BCAR3: variants seen among roughly 807,000 people sequenced by gnomAD.
BCAR3 encodes breast cancer anti-estrogen resistance protein 3.
A neutral mutation model predicts 80.1 loss-of-function variants in BCAR3; 37 were observed. That is an observed-to-expected ratio of 0.46 (90% CI 0.36 to 0.61). The LOEUF (loss-of-function observed/expected upper bound fraction) is 0.61. Ranked by LOEUF, BCAR3 falls within the 20% of genes least tolerant of loss-of-function variation. BCAR3 has a pLI of 0.00. For missense variants in BCAR3, 978 were observed against 1,068.2 expected, an observed-to-expected ratio of 0.92 and a Z score of 1.18; for synonymous variants, 389 against 418.9, an observed-to-expected ratio of 0.93 and a Z score of 0.87.
At chr1:93,708,447 A>T (rs1279229541) in intron 2 of BCAR3, among the ~76,000 whole-genome samples, 1 of 152,172 alleles carries the variant, frequency 6.6e-6, no homozygotes, top group Non-Finnish European at 1.5e-5. Context: ...CATCTCACAT[A>T]GCTAATCCAA....
chr1:93,594,269 T>C (rs1270685369), intron 3 of BCAR3: 1 of 152,274 alleles, frequency 6.6e-6, no homozygotes, highest in African/African-American at 2.4e-5. Context: ...TGCTTAGTTA[T>C]GGAGATTCTC....
intron 3 of BCAR3, among the ~76,000 whole-genome samples, chr1:93,609,393 C>T (rs1674881931): frequency 6.6e-6 from 1 of 152,150 alleles, no homozygotes. Flanking sequence ...TCCACAGGCA[C>T]CACACCCCAA....
At chr1:93,587,529 G>C (rs969892454) in intron 5 of BCAR3, among the ~76,000 whole-genome samples, 1 of 152,248 alleles carries the variant, frequency 6.6e-6, no homozygotes, top group Middle Eastern at 3.4e-3. Flanking sequence ...ATGTGGAGCC[G>C]GCATTTGTGC....
chr1:93,780,174 AT>A (rs1333319883), intron 2 of BCAR3, among the ~76,000 whole-genome samples: 40 of 151,928 alleles, frequency 2.6e-4, no homozygotes, highest in Admixed American at 2.6e-3. Flanking sequence ...AAGGCTGCTC[AT>A]TTTCCCACAT....
intron 2 of BCAR3, among the ~76,000 whole-genome samples, chr1:93,770,370 C>T (rs1354641028): frequency 6.6e-6 from 1 of 152,038 alleles, no homozygotes; most frequent in African/African-American, 2.4e-5. Context: ...CTGATCCTGG[C>T]CTCAGAAAAA....
At chr1:93,686,970 T>G (rs2101960714) in intron 3 of BCAR3, among the ~76,000 whole-genome samples, 2 of 152,288 alleles carry the variant, frequency 1.3e-5, no homozygotes, top group Middle Eastern at 6.8e-3. Flanking sequence ...GTTCCCCAGT[T>G]AAATGTGCCT....
intron 3 of BCAR3, among the ~76,000 whole-genome samples, chr1:93,695,619 A>G (rs919255360): frequency 2.6e-5 from 4 of 152,024 alleles, no homozygotes; most frequent in Non-Finnish European, 5.9e-5. Context: ...GCTCAATTTT[A>G]TGCCCCTATC....
At chr1:93,833,633 C>G (rs1654656717) in intron 2 of BCAR3, among the ~76,000 whole-genome samples, 1 of 152,200 alleles carries the variant, frequency 6.6e-6, no homozygotes, top group South Asian at 2.1e-4. Context: ...TGATATTTCT[C>G]CTATTCACTT....
At chr1:93,825,302 T>G (rs1241020116) in intron 2 of BCAR3, among the ~76,000 whole-genome samples, 1 of 132,974 alleles carries the variant, frequency 7.5e-6, no homozygotes, top group African/African-American at 2.5e-5. Context: ...CCACCTGAAG[T>G]GCACTCACCA....
At chr1:93,657,463 C>A (rs1647442139) in intron 2 of BCAR3, among the ~76,000 whole-genome samples, 1 of 151,924 alleles carries the variant, frequency 6.6e-6, no homozygotes, top group South Asian at 2.1e-4. Context: ...CAAAAACAGA[C>A]AAAGTCAGTA....
chr1:93,740,763 T>C (rs1450783485), intron 2 of BCAR3, among the ~76,000 whole-genome samples: 3 of 152,062 alleles, frequency 2.0e-5, no homozygotes, highest in Non-Finnish European at 1.5e-5. Flanking sequence ...CGGCCTAATA[T>C]CTTTGCTATC....
At chr1:93,580,684 G>A (rs955077845) in intron 7 of BCAR3, among the ~76,000 whole-genome samples, 4 of 152,112 alleles carry the variant, frequency 2.6e-5, no homozygotes, top group African/African-American at 9.7e-5. Flanking sequence ...TAGGTTATAT[G>A]CAAATACTAT....
In BCAR3 at chr1:93,589,138, C is replaced by T. The variant is rs150942732; in HGVS notation, c.768G>A (p.Thr256=). The T allele has an allele frequency of 6.1e-5, 98 of 1,613,498 alleles. No individual in the cohort carries two copies. The African/African-American group carries it at 7.5e-4, about 12-fold the overall frequency. ...GAIIFQPINR[T]VPLRCLEEHY... ...GCTCCTCCAGGCACCGCAGAGGCAC[C>T]GTCCTGTTGATGGGCTGGAAGATGA... The change falls in exon 5 of 12, where the codon ACG becomes ACA. Residue 256 remains threonine, a synonymous_variant. Transcript: ENST00000260502.
intron 11 of BCAR3, among the ~76,000 whole-genome samples, chr1:93,564,508 C>A (rs1672857315): frequency 6.6e-6 from 1 of 151,958 alleles, no homozygotes; most frequent in South Asian, 2.1e-4. Context: ...GAACTCCCGA[C>A]CTCAGGTGAT....
At chr1:93,602,254 T>A (rs1003603782) in intron 3 of BCAR3, 6 of 152,028 alleles carry the variant, frequency 3.9e-5, no homozygotes, top group African/African-American at 1.4e-4. Context: ...CACCCGGCCA[T>A]TGGTCTAATT....
intron 3 of BCAR3, among the ~76,000 whole-genome samples, chr1:93,607,601 C>A (rs1674812586): frequency 6.6e-6 from 1 of 152,038 alleles, no homozygotes; most frequent in East Asian, 1.9e-4. Flanking sequence ...GCTGGGTCCC[C>A]ACTGCCCTTA....
chr1:93,605,347 T>C (rs931340789), intron 3 of BCAR3: 1 of 152,226 alleles, frequency 6.6e-6, no homozygotes, highest in Non-Finnish European at 1.5e-5. Context: ...CTAAACTACT[T>C]TGCTCCCTTT....
At chr1:93,621,285 A>C (rs1385045914) in intron 3 of BCAR3, among the ~76,000 whole-genome samples, 1 of 152,256 alleles carries the variant, frequency 6.6e-6, no homozygotes, top group East Asian at 1.9e-4. Context: ...ATCCTGCCAA[A>C]GTAGCTGTGA....
At chr1:93,767,706 T>A (rs1652203575) in intron 2 of BCAR3, among the ~76,000 whole-genome samples, 2 of 152,144 alleles carry the variant, frequency 1.3e-5, no homozygotes, top group Non-Finnish European at 2.9e-5. Flanking sequence ...ATAAAATATA[T>A]AAACTATTTT....
Sources: allele counts gnomAD v4.1 joint callset (sites outside exome capture counted in the v4.1 genomes callset), GRCh38; gene constraint gnomAD v4.1.1; transcripts MANE v1.5; gene names NCBI Gene and HGNC (gene_info 2026-07-23, HGNC 2026-07-21).